Variants in AKIRIN2 observed in about 807,000 individuals in gnomAD.
The protein encoded by AKIRIN2 is akirin-2.
In AKIRIN2, 6 loss-of-function variants were observed where a neutral mutation model predicts 29.3. The ratio of observed to expected loss-of-function variants is 0.20; its 90% confidence interval spans 0.11 to 0.40. The LOEUF (loss-of-function observed/expected upper bound fraction) is 0.40. Among genes scored for constraint, AKIRIN2 ranks in the 10% least tolerant of loss-of-function variants. The pLI is 1.00. For missense variants in AKIRIN2, 210 were observed against 276.1 expected (o/e 0.76, Z 1.70); for synonymous variants, 128 against 117.5 (o/e 1.09, Z -0.58).
intron 1 of AKIRIN2, among the ~76,000 whole-genome samples, chr6:87,687,195 T>C (rs530936660): frequency 1.4e-5 from 2 of 147,438 alleles, no homozygotes; most frequent in African/African-American, 5.0e-5. Flanking sequence ...AACAGAGCAA[T>C]GTACAGTTCT....
chr6:87,681,786 T>C (rs1171586169), intron 1 of AKIRIN2, 23 bp from the exon 2 acceptor site: 1 of 1,541,888 alleles, frequency 6.5e-7, no homozygotes, highest in Non-Finnish European at 8.8e-7. Flanking sequence ...AGTTAAAATT[T>C]GGCAAGATAA....
chr6:87,690,797 ACC>A (rs2128302242), intron 1 of AKIRIN2, among the ~76,000 whole-genome samples: 1 of 151,548 alleles, frequency 6.6e-6, no homozygotes, highest in East Asian at 2.0e-4. Flanking sequence ...ACATGGTAAA[ACC>A]CTATCTCTAC....
intron 1 of AKIRIN2, among the ~76,000 whole-genome samples, chr6:87,691,833 G>A (rs1288511074): frequency 1.3e-5 from 2 of 152,224 alleles, no homozygotes; most frequent in African/African-American, 2.4e-5. Context: ...GGCATGTCAG[G>A]AATTAAGAAC....
rs1405229749 is a variant in AKIRIN2 at position 87,701,779 on chromosome 6, G to A, written c.-95C>T. Reference sequence around the variant, plus strand: ...AAGGGGTGAAGAGCGGGAACTCGAGGAGAGCCTACCCGACGGGCTCAGGAG... The same window carrying A: ...AAGGGGTGAAGAGCGGGAACTCGAGAAGAGCCTACCCGACGGGCTCAGGAG... On this transcript the variant is annotated 5_prime_UTR_variant, in exon 1 of 5. Coordinates refer to ENST00000257787, the MANE Select transcript of AKIRIN2 (RefSeq NM_018064.4). 1 of 930,920 alleles carries A rather than the reference G, an allele frequency of 1.1e-6. No individual in the cohort carries two copies. Among genetic ancestry groups the A allele is most frequent in the East Asian group, 3.3e-5 (1 of 30,150 alleles). The allele number at this position is 930,920 out of a possible 1,614,324, so 57.7% of individuals were successfully genotyped here. A position where few individuals can be genotyped will look rare whatever the true frequency, so the allele number is the denominator to read the frequency against.
Position 87,701,991 on chromosome 6 carries a change from C to G in AKIRIN2, c.-307G>C, listed in dbSNP as rs1771477073. 7.5e-6 allele frequency: 3 copies of G among 402,268 alleles called. No homozygotes were observed. The highest frequency in any genetic ancestry group is 2.1e-5 in the African/African-American group (1 of 48,646). 24.9% of individuals were successfully genotyped at this position (402,268 alleles called of 1,614,324 possible). On this transcript the variant is annotated 5_prime_UTR_variant, in exon 1 of 5. Transcript: ENST00000257787. ...GGCGCGGCTCCCCCGAGAGAGGCTC[C>G]GGCCGCCCCCGCCGTCCGCTCGAGC... is the stretch of plus-strand genomic sequence containing the variant.
intron 1 of AKIRIN2, among the ~76,000 whole-genome samples, chr6:87,688,856 G>A (rs115457591): frequency 0.034 from 5,196 of 152,286 alleles, 295 homozygotes; most frequent in African/African-American, 0.12. Flanking sequence ...TTCCAAGGCA[G>A]AAGGTTCAGC....
chr6:87,697,505 T>C (rs545276552), intron 1 of AKIRIN2, among the ~76,000 whole-genome samples: 1 of 152,166 alleles, frequency 6.6e-6, no homozygotes. Flanking sequence ...CCAAATCCAG[T>C]GAGAAACTAG....
At chr6:87,676,934 G>A (rs766410652) in intron 3 of AKIRIN2, among the ~76,000 whole-genome samples, 4 of 151,742 alleles carry the variant, frequency 2.6e-5, no homozygotes, top group East Asian at 1.9e-4. Flanking sequence ...AAAATTAGCC[G>A]GGCATGGTGG....
At chr6:87,677,236 A>G (rs1771030039) in intron 3 of AKIRIN2, among the ~76,000 whole-genome samples, 1 of 152,224 alleles carries the variant, frequency 6.6e-6, no homozygotes, top group Non-Finnish European at 1.5e-5. Flanking sequence ...CTGATCAAGT[A>G]TCACAGAAAA....
chr6:87,691,783 T>G (rs1244156887), intron 1 of AKIRIN2, among the ~76,000 whole-genome samples: 1 of 152,138 alleles, frequency 6.6e-6, no homozygotes, highest in Admixed American at 6.6e-5. Flanking sequence ...ACTGATTGAG[T>G]GTCATGGAAG....
At chr6:87,690,292 G>C (rs1311137888) in intron 1 of AKIRIN2, among the ~76,000 whole-genome samples, 1 of 151,992 alleles carries the variant, frequency 6.6e-6, no homozygotes, top group African/African-American at 2.4e-5. Flanking sequence ...ACATACTAAG[G>C]AGTGGAGAGG....
At chr6:87,693,690 A>T (rs111973004) in intron 1 of AKIRIN2, among the ~76,000 whole-genome samples, 1 of 147,340 alleles carries the variant, frequency 6.8e-6, no homozygotes, top group African/African-American at 2.6e-5. Flanking sequence ...GCGCCACTGC[A>T]CTCCAGCCTG....
intron 1 of AKIRIN2, 135 bp downstream of exon 1, chr6:87,701,315 T>A: frequency 1.2e-6 from 1 of 824,570 alleles, no homozygotes; most frequent in Non-Finnish European, 1.8e-6. Context: ...GTGAAAAACG[T>A]GGCTGCCCTA....
intron 1 of AKIRIN2, among the ~76,000 whole-genome samples, chr6:87,693,623 G>A (rs1172843682): frequency 6.6e-6 from 1 of 151,280 alleles, no homozygotes; most frequent in Non-Finnish European, 1.5e-5. Flanking sequence ...TACTCAGGAG[G>A]CTAAGGCAGG....
chr6:87,696,891 G>A lies in AKIRIN2; in HGVS notation c.235+4559C>T, dbSNP rs555592483. ...CGTGGTGGTGTGCGCCTGTAATCCC[G>A]GCTACTCAGGAGGCTGAGGCAGGAG... On this transcript the variant is annotated intron_variant, in intron 1 of 4. Transcript: ENST00000257787. 5.4e-5 allele frequency among the ~76,000 whole-genome samples: 8 copies of A among 148,292 alleles called. No individual in the cohort carries two copies. In the South Asian group the frequency reaches 6.5e-4, roughly 12 times the overall value.
At chr6:87,696,987 C>G (rs145038759) in intron 1 of AKIRIN2, among the ~76,000 whole-genome samples, 2 of 149,060 alleles carry the variant, frequency 1.3e-5, no homozygotes, top group African/African-American at 5.0e-5. Context: ...GCCTAGGCGA[C>G]AGAGTGAGAC....
chr6:87,702,142 G>A lies in AKIRIN2; in HGVS notation c.-458C>T. Reference sequence around the variant, plus strand: ...CCCGAGTACGGTCAGTAGCTTGCGAGCGGCGATCGATGCAGAGAGATTGCG... The same window carrying A: ...CCCGAGTACGGTCAGTAGCTTGCGAACGGCGATCGATGCAGAGAGATTGCG... On this transcript the variant is annotated 5_prime_UTR_variant, in exon 1 of 5. Transcript: ENST00000257787. The A allele has an allele frequency of 5.0e-6, 2 of 398,902 alleles. No homozygotes were observed. The highest frequency in any genetic ancestry group is 1.2e-4 in the South Asian group (1 of 8,026). 24.7% of individuals were successfully genotyped at this position (398,902 alleles called of 1,614,324 possible). A position where few individuals can be genotyped will look rare whatever the true frequency, so the allele number is the denominator to read the frequency against.
intron 1 of AKIRIN2, among the ~76,000 whole-genome samples, chr6:87,686,703 A>G (rs577590561): frequency 3.9e-5 from 6 of 152,154 alleles, no homozygotes; most frequent in Non-Finnish European, 7.3e-5. Context: ...TTTGGAAAAC[A>G]CAAAATGAAA....
At chr6:87,691,864 G>A (rs1771282872) in intron 1 of AKIRIN2, among the ~76,000 whole-genome samples, 1 of 152,240 alleles carries the variant, frequency 6.6e-6, no homozygotes, top group Admixed American at 6.5e-5. Flanking sequence ...GAAGCAAACA[G>A]ACTATTTGAA....
Sources: allele counts gnomAD v4.1 joint callset (sites outside exome capture counted in the v4.1 genomes callset), GRCh38; gene constraint gnomAD v4.1.1; transcripts MANE v1.5; gene names NCBI Gene and HGNC (gene_info 2026-07-23, HGNC 2026-07-21).